DOK6: variants seen among roughly 807,000 people sequenced by gnomAD.
The protein encoded by DOK6 is downstream of tyrosine kinase 6.
In DOK6, 22 loss-of-function variants were observed where a neutral mutation model predicts 44.0. That is an observed-to-expected ratio of 0.50 (90% CI 0.36 to 0.71). The LOEUF (loss-of-function observed/expected upper bound fraction) is 0.71. Among genes scored for constraint, DOK6 ranks in the 30% least tolerant of loss-of-function variants. The pLI is 0.00. For synonymous variants in DOK6, 166 were observed against 145.5 expected, an observed-to-expected ratio of 1.14 and a Z score of -1.01; for missense variants, 340 against 416.4, an observed-to-expected ratio of 0.82 and a Z score of 1.60.
intron 1 of DOK6, among the ~76,000 whole-genome samples, chr18:69,503,106 T>G (rs1599162243): frequency 6.6e-6 from 1 of 152,162 alleles, no homozygotes; most frequent in Non-Finnish European, 1.5e-5. Context: ...CAAAATAGGT[T>G]GTATGATTTT....
At chr18:69,742,027 T>TG (rs891723785) in intron 6 of DOK6, among the ~76,000 whole-genome samples, 28 of 152,300 alleles carry the variant, frequency 1.8e-4, no homozygotes, top group South Asian at 1.0e-3. Flanking sequence ...CCACTTTCTT[T>TG]GGGGGGCCAC....
chr18:69,476,507 T>TC (rs1441403004), intron 1 of DOK6, among the ~76,000 whole-genome samples: 249 of 152,250 alleles, frequency 1.6e-3, no homozygotes, highest in East Asian at 0.012. Flanking sequence ...TCGATGGCAT[T>TC]CTCAGAAGGA....
chr18:69,590,108 G>A (rs1983590765), intron 2 of DOK6, among the ~76,000 whole-genome samples: 1 of 152,122 alleles, frequency 6.6e-6, no homozygotes, highest in South Asian at 2.1e-4. Context: ...TAAATGCCTA[G>A]TGGTCTTCAC....
At chr18:69,421,082 T>G (rs1978479387) in intron 1 of DOK6, among the ~76,000 whole-genome samples, 1 of 152,274 alleles carries the variant, frequency 6.6e-6, no homozygotes, top group East Asian at 1.9e-4. Context: ...TTAAATGTAC[T>G]CAAAGATTAA....
At chr18:69,779,960 T>G (rs1374798815) in intron 7 of DOK6, among the ~76,000 whole-genome samples, 1 of 152,168 alleles carries the variant, frequency 6.6e-6, no homozygotes, top group Non-Finnish European at 1.5e-5. Context: ...GTATCCTATT[T>G]ATTGTGTTAT....
intron 6 of DOK6, among the ~76,000 whole-genome samples, chr18:69,744,143 T>C (rs544648566): frequency 6.6e-6 from 1 of 152,004 alleles, no homozygotes; most frequent in Non-Finnish European, 1.5e-5. Flanking sequence ...AAACCCCGTC[T>C]CTACTAAAAA....
chr18:69,492,958 G>A (rs1980778493), intron 1 of DOK6, among the ~76,000 whole-genome samples: 1 of 151,788 alleles, frequency 6.6e-6, no homozygotes, highest in Non-Finnish European at 1.5e-5. Flanking sequence ...AATGAGAATA[G>A]TAATACTACC....
chr18:69,487,972 A>G (rs1304198991), intron 1 of DOK6, among the ~76,000 whole-genome samples: 2 of 152,100 alleles, frequency 1.3e-5, no homozygotes, highest in Admixed American at 1.3e-4. Context: ...TCTTCTCAGA[A>G]CCATGGTAAA....
chr18:69,549,052 C>T (rs1181155559), intron 1 of DOK6, among the ~76,000 whole-genome samples: 2 of 149,534 alleles, frequency 1.3e-5, no homozygotes, highest in Non-Finnish European at 3.0e-5. Flanking sequence ...GCCAAGATCG[C>T]GCCACTGCAC....
At chr18:69,634,215 C>T (rs962022256) in intron 3 of DOK6, among the ~76,000 whole-genome samples, 3 of 152,068 alleles carry the variant, frequency 2.0e-5, no homozygotes, top group Non-Finnish European at 4.4e-5. Flanking sequence ...CAGTTAGATA[C>T]CTAGGATTAT....
At chr18:69,433,951 A>G (rs1261089787) in intron 1 of DOK6, among the ~76,000 whole-genome samples, 1 of 152,244 alleles carries the variant, frequency 6.6e-6, no homozygotes. Context: ...AAAGAAAACT[A>G]CATGTACTAA....
At chr18:69,584,535 G>T (rs537233530) in intron 2 of DOK6, among the ~76,000 whole-genome samples, 2 of 152,074 alleles carry the variant, frequency 1.3e-5, no homozygotes, top group African/African-American at 4.8e-5. Flanking sequence ...CAAGCAGTCC[G>T]CTCACTTCGG....
chr18:69,443,445 A>G (rs533147357), intron 1 of DOK6, among the ~76,000 whole-genome samples: 1 of 152,254 alleles, frequency 6.6e-6, no homozygotes, highest in South Asian at 2.1e-4. Flanking sequence ...CTGTTCTGCA[A>G]AGTGCTACTA....
At chr18:69,571,851 G>C (rs546503562) in intron 2 of DOK6, among the ~76,000 whole-genome samples, 1 of 151,992 alleles carries the variant, frequency 6.6e-6, no homozygotes, top group African/African-American at 2.4e-5. Flanking sequence ...TATCAGCAAG[G>C]ATATGAGATC....
intron 1 of DOK6, among the ~76,000 whole-genome samples, chr18:69,527,789 T>A (rs1260934559): frequency 6.6e-6 from 1 of 152,216 alleles, no homozygotes; most frequent in Non-Finnish European, 1.5e-5. Context: ...CTGGTTTTGA[T>A]TGCTTTTTAT....
At chr18:69,442,670 C>T (rs1412016384) in intron 1 of DOK6, among the ~76,000 whole-genome samples, 2 of 152,094 alleles carry the variant, frequency 1.3e-5, no homozygotes, top group Non-Finnish European at 2.9e-5. Flanking sequence ...CAACAATAGA[C>T]GTGGAATTTC....
intron 5 of DOK6, among the ~76,000 whole-genome samples, chr18:69,713,268 A>G (rs1411480035): frequency 6.6e-6 from 1 of 152,216 alleles, no homozygotes; most frequent in African/African-American, 2.4e-5. Flanking sequence ...ATTCATGAAG[A>G]TTTTTGCTGA....
chr18:69,579,784 A>G (rs974460888), intron 2 of DOK6, among the ~76,000 whole-genome samples: 5 of 152,076 alleles, frequency 3.3e-5, no homozygotes, highest in African/African-American at 1.2e-4. Context: ...GATTTTCAGC[A>G]TGTTGGCCAG....
intron 1 of DOK6, among the ~76,000 whole-genome samples, chr18:69,406,466 C>T (rs1325411071): frequency 6.6e-6 from 1 of 152,082 alleles, no homozygotes; most frequent in Non-Finnish European, 1.5e-5. Flanking sequence ...AATTATTATG[C>T]CTATGTAAGA....
Sources: gnomAD v4.1 joint callset for allele counts (sites outside exome capture counted in the v4.1 genomes callset) on GRCh38, gnomAD v4.1.1 for gene constraint, MANE v1.5 for transcripts, NCBI Gene and HGNC (gene_info 2026-07-23, HGNC 2026-07-21) for gene names.